The following CAST variants were observed in gnomAD, a reference collection of about 807,000 sequenced individuals.
CAST encodes calpastatin, also known as MIR583 host.
In CAST, 76 loss-of-function variants were observed where a neutral mutation model predicts 119.6. The ratio of observed to expected loss-of-function variants is 0.64; its 90% CI spans 0.53 to 0.77. The LOEUF (loss-of-function observed/expected upper bound fraction) is 0.77, where lower values mean the gene tolerates loss of function less well. CAST is among the 30% of genes least tolerant of loss of function. The pLI, the probability that CAST is intolerant of heterozygous loss-of-function variation, is 0.00. For missense variants in CAST, 953 were observed against 946.5 expected (o/e 1.01, Z -0.09); for synonymous variants, 319 against 331.6 (o/e 0.96, Z 0.41).
chr5:96,218,187 G>A, the CAST span, among the ~76,000 whole-genome samples: 2 of 152,162 alleles, frequency 1.3e-5, no homozygotes, highest in African/African-American at 4.8e-5. Flanking sequence ...GGTGAACACT[G>A]ACCATGTTTT....
At chr5:96,141,874 G>A in the CAST span, among the ~76,000 whole-genome samples, 1 of 152,218 alleles carries the variant, frequency 6.6e-6, no homozygotes, top group East Asian at 1.9e-4. Flanking sequence ...AATGTTAGGA[G>A]GGTGTGTAGC....
the CAST span, among the ~76,000 whole-genome samples, chr5:96,027,346 A>C: frequency 1.3e-5 from 2 of 152,180 alleles, no homozygotes; most frequent in African/African-American, 2.4e-5. Context: ...AAATAAAAAT[A>C]AAGATTTCAG....
At chr5:96,632,366 T>TTTTATATATAAAAA (rs1747832653) in intron 1 of CAST, among the ~76,000 whole-genome samples, 1 of 150,630 alleles carries the variant, frequency 6.6e-6, no homozygotes, top group Non-Finnish European at 1.5e-5. Context: ...GAAGCCCAAT[T>TTTTATATATAAAAA]TTTATATATA....
rs1298084655 is a variant in CAST, at chr5:96,729,214, A to G, written c.435+5A>G. On this transcript the variant is annotated splice_donor_5th_base_variant and intron_variant, in intron 7 of 31. Transcript: ENST00000675179. Reference sequence around the variant, plus strand: ...AAGCCAAAAGAACACACAGAGGTAAATGATTATCATCAGGACTTAATTATA... The same window carrying G: ...AAGCCAAAAGAACACACAGAGGTAAGTGATTATCATCAGGACTTAATTATA... The G allele has an allele frequency of 2.6e-6, 4 of 1,532,640 alleles. No homozygotes were observed. The highest frequency in any genetic ancestry group is 3.6e-6 in the Non-Finnish European group (4 of 1,108,038). 94.9% of individuals were successfully genotyped at this position (1,532,640 alleles called of 1,614,324 possible). A position where few individuals can be genotyped will look rare whatever the true frequency, so the allele number is the denominator to read the frequency against.
chr5:96,599,975 A>AAAAAAAAAAAAAAAAAG (rs762798506), intron 1 of CAST, among the ~76,000 whole-genome samples: 2 of 140,508 alleles, frequency 1.4e-5, no homozygotes, highest in Non-Finnish European at 3.1e-5. Flanking sequence ...GCAAAAAAAA[A>AAAAAAAAAAAAAAAAAG]AAAAAAAACC....
chr5:96,603,834 G>A (rs1367390998), intron 1 of CAST, among the ~76,000 whole-genome samples: 2 of 139,392 alleles, frequency 1.4e-5, no homozygotes, highest in Admixed American at 7.8e-5. Context: ...GCATGATCAT[G>A]GCTCACTGCA....
Position 96,638,897 on chromosome 5 carries a change from C to T in CAST, c.61-36642C>T, listed in dbSNP as rs141392883. On this transcript the variant is annotated intron_variant, in intron 1 of 11. Coordinates refer to the CAST transcript ENST00000505143. ...CCCTATCCCTTCTCAGTTTCATCTC[C>T]TTCTCTCTACCGCAGCACCTAAGGA... 2.8e-3 allele frequency among the ~76,000 whole-genome samples: 425 copies of T among 152,272 alleles called. 2 individuals carry two copies. The highest frequency in any genetic ancestry group is 5.4e-3 in the Admixed American group (83 of 15,298).
chr5:96,406,787 CCTT>C, the CAST span, among the ~76,000 whole-genome samples: 1 of 152,194 alleles, frequency 6.6e-6, no homozygotes, highest in Non-Finnish European at 1.5e-5. Flanking sequence ...AGGATAATCT[CCTT>C]ATTAGGAAGG....
At chr5:96,471,032 C>T in the CAST span, among the ~76,000 whole-genome samples, 1 of 152,058 alleles carries the variant, frequency 6.6e-6, no homozygotes, top group Non-Finnish European at 1.5e-5. Flanking sequence ...ACATTCCTTA[C>T]AATAGTCCTG....
chr5:96,258,522 C>T, the CAST span, among the ~76,000 whole-genome samples: 2 of 152,248 alleles, frequency 1.3e-5, no homozygotes, highest in South Asian at 4.2e-4. Flanking sequence ...TAGTTGGCAG[C>T]GTTCCTCCTC....
the CAST span, among the ~76,000 whole-genome samples, chr5:96,471,786 G>GTGTGTGTGTGTT: frequency 0.13 from 19,937 of 149,378 alleles, 1,526 homozygotes; most frequent in Middle Eastern, 0.24. Flanking sequence ...GTGTGTGTGT[G>GTGTGTGTGTGTT]TGTGTGTGTG....
At chr5:96,527,650 T>C (rs1745617671), upstream of CAST, among the ~76,000 whole-genome samples, 1 of 152,178 alleles carries the variant, frequency 6.6e-6, no homozygotes, top group African/African-American at 2.4e-5. Context: ...GTAATAGTAA[T>C]AGCAACAATA....
the CAST span, among the ~76,000 whole-genome samples, chr5:96,107,219 T>G: frequency 6.6e-6 from 1 of 152,206 alleles, no homozygotes; most frequent in African/African-American, 2.4e-5. Context: ...TTTTGTCCAT[T>G]TACATTTAAA....
chr5:96,751,786 C>A (rs1294825489), intron 20 of CAST, among the ~76,000 whole-genome samples: 3 of 152,186 alleles, frequency 2.0e-5, no homozygotes, highest in Non-Finnish European at 4.4e-5. Context: ...AGTGTGACTG[C>A]CCGGGCTTTA....
the CAST span, among the ~76,000 whole-genome samples, chr5:96,093,908 A>G: frequency 6.6e-6 from 1 of 152,132 alleles, no homozygotes; most frequent in African/African-American, 2.4e-5. Context: ...TGTGTCCTGA[A>G]CTCCATTCCC....
the CAST span, among the ~76,000 whole-genome samples, chr5:96,350,475 A>G: frequency 6.6e-6 from 1 of 152,176 alleles, no homozygotes; most frequent in East Asian, 1.9e-4. Flanking sequence ...CTGTCAATTT[A>G]CATTGTCAGG....
chr5:96,131,814 G>A, the CAST span, among the ~76,000 whole-genome samples: 2 of 152,066 alleles, frequency 1.3e-5, no homozygotes, highest in South Asian at 2.1e-4. Flanking sequence ...ATAAAATGAA[G>A]TCCCACAAAC....
the CAST span, among the ~76,000 whole-genome samples, chr5:96,095,856 A>T: frequency 6.6e-6 from 1 of 152,190 alleles, no homozygotes; most frequent in Non-Finnish European, 1.5e-5. Flanking sequence ...ACTTTTCCTT[A>T]TTATTAATTC....
intron 20 of CAST, among the ~76,000 whole-genome samples, chr5:96,752,948 A>G (rs1325626031): frequency 6.9e-6 from 1 of 145,524 alleles, no homozygotes; most frequent in African/African-American, 2.5e-5. Context: ...CCTTCTATGT[A>G]TGATGCATTT....
Sources: gnomAD v4.1 joint callset for allele counts (sites outside exome capture counted in the v4.1 genomes callset) on GRCh38, gnomAD v4.1.1 for gene constraint, MANE v1.5 for transcripts, NCBI Gene and HGNC (gene_info 2026-07-23, HGNC 2026-07-21) for gene names.